Variants in PSTPIP2 observed in about 807,000 individuals in gnomAD.
The protein encoded by PSTPIP2 is proline-serine-threonine phosphatase-interacting protein 2.
A neutral mutation model predicts 63.3 loss-of-function variants in PSTPIP2; 33 were observed. That is an observed-to-expected ratio of 0.52 (90% CI 0.40 to 0.70). PSTPIP2 has a LOEUF of 0.70. PSTPIP2 is among the 30% of genes least tolerant of loss of function. PSTPIP2 has a pLI of 0.00. For missense variants in PSTPIP2, 312 were observed against 400.7 expected (o/e 0.78, Z 1.89); for synonymous variants, 125 against 132.7 (o/e 0.94, Z 0.40).
chr18:46,021,441 A>AT (rs201676531), intron 3 of PSTPIP2, among the ~76,000 whole-genome samples: 102,177 of 149,992 alleles, frequency 0.68, 38,024 homozygotes, highest in Middle Eastern at 0.83. Flanking sequence ...ATATATATAT[A>AT]AAAAACCAAA....
Position 45,993,659 on chromosome 18 carries a change from A to C in PSTPIP2, c.687T>G (p.Asn229Lys), listed in dbSNP as rs763942352. The change falls in exon 10 of 15, where the codon AAT (asparagine) becomes AAG (lysine). Residue 229 changes from asparagine (N) to lysine (K), a missense_variant. Asn to Lys is a moderately conservative substitution (Grantham distance 94). Transcript: ENST00000409746. ...QECERINFFR[N>K]ALWLHVNQLS... ...GCTGATTCACATGTAACCACAATGC[A>C]TTCCGGAAGAAGTTTATTCGTTCAC... is the stretch of plus-strand genomic sequence containing the variant. The C allele has an allele frequency of 1.2e-6, 2 of 1,614,210 alleles. No individual in the cohort carries two copies. The highest frequency in any genetic ancestry group is 1.7e-5 in the Admixed American group (1 of 60,028).
At chr18:46,028,471 G>A in intron 2 of PSTPIP2, 2 of 609,802 alleles carry the variant, frequency 3.3e-6, no homozygotes, top group Admixed American at 2.0e-5. Flanking sequence ...GCCGTGGAGT[G>A]GTGCCTGGAG....
chr18:46,061,769 T>C (rs1909002262), intron 1 of PSTPIP2, among the ~76,000 whole-genome samples: 1 of 152,160 alleles, frequency 6.6e-6, no homozygotes, highest in Non-Finnish European at 1.5e-5. Context: ...TTTGAACCCC[T>C]AGTTCAGTCC....
chr18:46,029,450 T>G, intron 2 of PSTPIP2: 1 of 1,298,888 alleles, frequency 7.7e-7, no homozygotes, highest in East Asian at 2.3e-5. Flanking sequence ...CTCAAGGAGG[T>G]GCCTTAACAG....
intron 14 of PSTPIP2, among the ~76,000 whole-genome samples, chr18:45,988,435 G>GAGAAAAAAAAAAAA (rs2051489261): frequency 7.8e-6 from 1 of 128,574 alleles, no homozygotes. Context: ...ACTCTGCTTC[G>GAGAAAAAAAAAAAA]AAAAAAAAAA....
chr18:46,063,644 T>C (rs949575812), intron 1 of PSTPIP2, among the ~76,000 whole-genome samples: 5 of 151,928 alleles, frequency 3.3e-5, no homozygotes, highest in Non-Finnish European at 5.9e-5. Flanking sequence ...CACACACGTG[T>C]ATATATACAA....
intron 1 of PSTPIP2, among the ~76,000 whole-genome samples, chr18:46,056,547 C>A (rs543207919): frequency 7.7e-4 from 117 of 152,196 alleles, no homozygotes; most frequent in Non-Finnish European, 5.7e-4. Flanking sequence ...GGCCACACAG[C>A]AAGACTCTGT....
intron 6 of PSTPIP2, among the ~76,000 whole-genome samples, chr18:46,000,990 T>A (rs1484395541): frequency 6.6e-6 from 1 of 152,178 alleles, no homozygotes; most frequent in Non-Finnish European, 1.5e-5. Context: ...GGAACACTAC[T>A]CCACTATAAA....
At chr18:46,052,997 A>G (rs186083656) in intron 1 of PSTPIP2, among the ~76,000 whole-genome samples, 3 of 152,370 alleles carry the variant, frequency 2.0e-5, no homozygotes, top group Non-Finnish European at 2.9e-5. Context: ...CAAAATCTTT[A>G]GACTCTTCAT....
rs767202772 is a variant in PSTPIP2 at position 45,990,807 on chromosome 18, T to G, written c.921-51A>C. The G allele has an allele frequency of 2.1e-6, 3 of 1,457,256 alleles. No individual in the cohort carries two copies. The Admixed American group carries it at 5.4e-5, about 26-fold the overall frequency. 90.3% of individuals were successfully genotyped at this position (1,457,256 alleles called of 1,614,324 possible). ...TTTAGATAAGTTCTTGTTATTTTTA[T>G]AATCTTTTTACTTCTTGCTACAAGC... On this transcript the variant is annotated intron_variant, in intron 12 of 14. Transcript: ENST00000409746.
intron 1 of PSTPIP2, among the ~76,000 whole-genome samples, chr18:46,043,032 A>G (rs1908246941): frequency 6.6e-6 from 1 of 151,984 alleles, no homozygotes; most frequent in Non-Finnish European, 1.5e-5. Context: ...TTGTGTTTCC[A>G]GGAAACTCTG....
intron 2 of PSTPIP2, among the ~76,000 whole-genome samples, chr18:46,033,697 C>T (rs1218635901): frequency 2.0e-5 from 2 of 99,836 alleles, no homozygotes; most frequent in East Asian, 3.9e-4. Context: ...GACTCCATCT[C>T]GAAAAAAAAA....
At chr18:46,069,542 T>C (rs76680376) in intron 1 of PSTPIP2, among the ~76,000 whole-genome samples, 3,325 of 152,292 alleles carry the variant, frequency 0.022, 113 homozygotes, top group African/African-American at 0.076. Flanking sequence ...CCAGCCTCCT[T>C]AGTAGCTGGG....
At chr18:46,033,261 G>A (rs1174838374) in intron 2 of PSTPIP2, among the ~76,000 whole-genome samples, 6 of 152,292 alleles carry the variant, frequency 3.9e-5, no homozygotes, top group East Asian at 1.9e-4. Context: ...TGTTCCTCCC[G>A]CAAAATAGGT....
At chr18:46,043,220 T>C (rs953860641) in intron 1 of PSTPIP2, among the ~76,000 whole-genome samples, 4 of 111,052 alleles carry the variant, frequency 3.6e-5, no homozygotes, top group African/African-American at 3.7e-5. Context: ...ACCTCACCTC[T>C]CCTTAAAAAA....
At chr18:46,056,340 C>T (rs1440024075) in intron 1 of PSTPIP2, among the ~76,000 whole-genome samples, 3 of 152,164 alleles carry the variant, frequency 2.0e-5, no homozygotes, top group Non-Finnish European at 4.4e-5. Flanking sequence ...CTCATTGGTC[C>T]AAAACGTCAC....
Position 45,988,739 on chromosome 18 carries a change from C to G in PSTPIP2, c.976G>C (p.Val326Leu). ...SSPDDPNYSL[V>L]DDYSLLYQ is the part of the protein sequence containing the mutation. The stretch of plus-strand genomic sequence containing the variant: ...TGATAGAGCAAACTGTAGTCATCAA[C>G]CAAAGAGTAATTGGGATCATCTGCA... The change falls in exon 14 of 15, where the codon GTT (valine) becomes CTT (leucine). Residue 326 changes from valine (V) to leucine (L), a missense_variant. Physicochemically the swap from Val to Leu is conservative, Grantham distance 32 (BLOSUM62 1). Transcript: ENST00000409746. 1 of 1,565,928 alleles carries G rather than the reference C, an allele frequency of 6.4e-7. No individual in the cohort carries two copies. Among genetic ancestry groups the G allele is most frequent in the Non-Finnish European group, 8.8e-7 (1 of 1,136,620 alleles).
intron 1 of PSTPIP2, among the ~76,000 whole-genome samples, chr18:46,054,507 T>C (rs1908685665): frequency 6.6e-6 from 1 of 152,190 alleles, no homozygotes; most frequent in African/African-American, 2.4e-5. Context: ...CTTCAGTGAA[T>C]AATAATGTAT....
At chr18:46,012,249 G>C (rs925061528) in intron 4 of PSTPIP2, among the ~76,000 whole-genome samples, 2 of 151,970 alleles carry the variant, frequency 1.3e-5, no homozygotes, top group East Asian at 1.9e-4. Flanking sequence ...GGCAAGCATG[G>C]GACAAAACAG....
Sources: allele counts gnomAD v4.1 joint callset (sites outside exome capture counted in the v4.1 genomes callset), GRCh38; gene constraint gnomAD v4.1.1; transcripts MANE v1.5; gene names NCBI Gene and HGNC (gene_info 2026-07-23, HGNC 2026-07-21).